The following NLGN1 variants were observed in gnomAD, a reference collection of about 807,000 sequenced individuals.
NLGN1 encodes the protein neuroligin-1.
NLGN1 carries 12 observed loss-of-function variants against 65.5 expected under a neutral mutation model. That is an observed-to-expected ratio of 0.18 (90% CI 0.12 to 0.30). NLGN1 has a LOEUF of 0.30. Ranked by LOEUF, NLGN1 falls within the 10% of genes least tolerant of loss-of-function variation. NLGN1 has a pLI of 1.00. For missense variants in NLGN1, 750 were observed against 1,007.1 expected (o/e 0.74, Z 3.46); for synonymous variants, 350 against 359.5 (o/e 0.97, Z 0.30).
chr3:174,084,067 T>C (rs957276304), intron 4 of NLGN1, among the ~76,000 whole-genome samples: 17 of 152,234 alleles, frequency 1.1e-4, no homozygotes, highest in African/African-American at 3.4e-4. Context: ...TAGAACTCAC[T>C]GTTTCGGAAA....
intron 4 of NLGN1, among the ~76,000 whole-genome samples, chr3:173,893,859 C>T (rs180895504): frequency 5.8e-4 from 88 of 152,278 alleles, no homozygotes; most frequent in Admixed American, 3.3e-3. Flanking sequence ...TATGTCATCG[C>T]AAGTCTTGCA....
At chr3:173,729,150 G>A (rs1442743455) in intron 3 of NLGN1, among the ~76,000 whole-genome samples, 1 of 151,984 alleles carries the variant, frequency 6.6e-6, no homozygotes, top group African/African-American at 2.4e-5. Flanking sequence ...TTGAAACCAG[G>A]ATTCTTAAAA....
intron 2 of NLGN1, among the ~76,000 whole-genome samples, chr3:173,480,012 G>T (rs1376979185): frequency 6.6e-6 from 1 of 152,120 alleles, no homozygotes; most frequent in South Asian, 2.1e-4. Flanking sequence ...GCCTGAATAT[G>T]TAAAGAGATG....
intron 4 of NLGN1, among the ~76,000 whole-genome samples, chr3:173,921,879 A>C (rs1480511315): frequency 6.6e-6 from 1 of 152,146 alleles, no homozygotes; most frequent in African/African-American, 2.4e-5. Flanking sequence ...ACAGACCCTT[A>C]GGGCATGCTT....
At chr3:173,526,272 A>G (rs888149575) in intron 2 of NLGN1, among the ~76,000 whole-genome samples, 4 of 151,978 alleles carry the variant, frequency 2.6e-5, no homozygotes. Context: ...ATATATATTT[A>G]TAGTTAAATC....
chr3:174,220,688 AT>A (rs1440554640), intron 4 of NLGN1, among the ~76,000 whole-genome samples: 1 of 125,854 alleles, frequency 7.9e-6, no homozygotes, highest in East Asian at 2.4e-4. Flanking sequence ...GTGTAGATCC[AT>A]TTTTTGAATC....
chr3:173,567,952 A>AT (rs1236678466), intron 2 of NLGN1, among the ~76,000 whole-genome samples: 2 of 152,086 alleles, frequency 1.3e-5, no homozygotes, highest in Non-Finnish European at 2.9e-5. Flanking sequence ...AATGAAAAAT[A>AT]TTTTTATTCA....
At chr3:174,072,633 A>T (rs1740141633) in intron 4 of NLGN1, among the ~76,000 whole-genome samples, 1 of 152,140 alleles carries the variant, frequency 6.6e-6, no homozygotes, top group Non-Finnish European at 1.5e-5. Flanking sequence ...AAAGCTGTCT[A>T]ACTGCTTCCC....
intron 3 of NLGN1, among the ~76,000 whole-genome samples, chr3:173,679,542 AC>A (rs1381104991): frequency 1.3e-5 from 2 of 152,132 alleles, no homozygotes; most frequent in Admixed American, 1.3e-4. Context: ...ATTGCTGAAT[AC>A]CATTTCATGA....
intron 4 of NLGN1, among the ~76,000 whole-genome samples, chr3:173,951,305 G>T (rs1315891709): frequency 1.3e-5 from 2 of 152,116 alleles, no homozygotes; most frequent in Non-Finnish European, 2.9e-5. Context: ...CCATGCATAT[G>T]TCATCTGATA....
chr3:174,163,729 C>T (rs958420767), intron 4 of NLGN1, among the ~76,000 whole-genome samples: 3 of 152,032 alleles, frequency 2.0e-5, no homozygotes, highest in African/African-American at 7.2e-5. Context: ...TAATGGCCTT[C>T]TGCTGCTTCA....
At chr3:173,400,802 C>T (rs1321467649) in intron 1 of NLGN1, among the ~76,000 whole-genome samples, 1 of 152,174 alleles carries the variant, frequency 6.6e-6, no homozygotes, top group Non-Finnish European at 1.5e-5. Context: ...ACCTTTATGT[C>T]TGAACATAGA....
At position 174,241,801 on chromosome 3, in the gene NLGN1, G is replaced by A. The variant is rs925316388; in HGVS notation, c.647-33514G>A. Among the ~76,000 whole-genome samples, 10 of 152,086 alleles carry A rather than the reference G, an allele frequency of 6.6e-5. No individual in the cohort carries two copies. In the South Asian group the frequency reaches 2.1e-3, roughly 32 times the overall value. On this transcript the variant is annotated intron_variant, in intron 4 of 6. Coordinates refer to ENST00000457714, the Ensembl canonical transcript of NLGN1. ...CCCCTCCCGAGCAGCTGGGACTACA[G>A]GCGCCCGCCACCACGCCTGGATAAT... is the stretch of plus-strand genomic sequence containing the variant.
intron 3 of NLGN1, among the ~76,000 whole-genome samples, chr3:173,656,052 T>C (rs186177007): frequency 2.5e-4 from 38 of 152,280 alleles, no homozygotes; most frequent in African/African-American, 8.9e-4. Flanking sequence ...ATTGGTTACT[T>C]GATGTACACC....
At chr3:174,167,300 A>T (rs1235390434) in intron 4 of NLGN1, among the ~76,000 whole-genome samples, 2 of 151,954 alleles carry the variant, frequency 1.3e-5, no homozygotes, top group Non-Finnish European at 2.9e-5. Flanking sequence ...CAAACTATGT[A>T]TTTAAGTGTG....
chr3:173,932,305 T>A (rs1744244287), intron 4 of NLGN1, among the ~76,000 whole-genome samples: 1 of 152,184 alleles, frequency 6.6e-6, no homozygotes, highest in African/African-American at 2.4e-5. Flanking sequence ...AGTTTTTTCC[T>A]TAAGTTGCTT....
At chr3:173,796,151 C>T (rs1215321408) in intron 3 of NLGN1, among the ~76,000 whole-genome samples, 4 of 152,032 alleles carry the variant, frequency 2.6e-5, no homozygotes. Flanking sequence ...CTGAATTGAA[C>T]CCATAATGAA....
At chr3:173,963,692 C>G (rs982417092) in intron 4 of NLGN1, among the ~76,000 whole-genome samples, 4 of 152,042 alleles carry the variant, frequency 2.6e-5, no homozygotes, top group African/African-American at 2.4e-5. Flanking sequence ...ATCATCAAAA[C>G]TAATAAAGAT....
intron 3 of NLGN1, among the ~76,000 whole-genome samples, chr3:173,666,595 A>G (rs60296195): frequency 0.021 from 3,211 of 152,200 alleles, 122 homozygotes; most frequent in African/African-American, 0.073. Context: ...TAATGGATCA[A>G]CCATTCCCTA....
Sources: allele counts gnomAD v4.1 joint callset (sites outside exome capture counted in the v4.1 genomes callset), GRCh38; gene constraint gnomAD v4.1.1; transcripts MANE v1.5; gene names NCBI Gene and HGNC (gene_info 2026-07-23, HGNC 2026-07-21).